SETD4: variants seen among roughly 807,000 people sequenced by gnomAD.
SETD4 encodes SET domain containing 4.
A neutral mutation model predicts 58.3 loss-of-function variants in SETD4; 46 were observed. The observed-to-expected ratio is 0.79, with a 90% CI of 0.62 to 1.01. The LOEUF is 1.01. SETD4 is among the 50% of genes least tolerant of loss of function. SETD4 has a pLI of 0.00. For missense variants in SETD4, 490 were observed against 523.3 expected (o/e 0.94, Z 0.62); for synonymous variants, 190 against 202.6 (o/e 0.94, Z 0.53).
At chr21:36,050,492 G>A in intron 4 of SETD4, 2 of 1,613,698 alleles carry the variant, frequency 1.2e-6, no homozygotes, top group Non-Finnish European at 1.7e-6. Flanking sequence ...TCACTGTTTT[G>A]CGCCATCTAG....
chr21:36,038,427 G>A (rs549429016), intron 9 of SETD4, among the ~76,000 whole-genome samples, 154 bp from the exon 10 acceptor site: 1 of 152,288 alleles, frequency 6.6e-6, no homozygotes, highest in African/African-American at 2.4e-5. Flanking sequence ...CATGCCACTT[G>A]CAGCTCCCAT....
rs923250622 is a variant in SETD4 at position 36,056,970 on chromosome 21, C to G, written c.169+139G>C. On this transcript the variant is annotated intron_variant, in intron 3 of 11. Coordinates refer to ENST00000332131, the MANE Select transcript of SETD4 (RefSeq NM_017438.5). ...CAATTAACTGGCCATACACAGGGGA[C>G]TCCTCCTCCAACCCAAGGGGAACAC... The G allele has an allele frequency of 2.7e-5, 19 of 692,268 alleles. No individual in the cohort carries two copies. In the African/African-American group the frequency reaches 3.0e-4, roughly 11 times the overall value. 42.9% of individuals were successfully genotyped at this position (692,268 alleles called of 1,614,324 possible). A position where few individuals can be genotyped will look rare whatever the true frequency, so the allele number is the denominator to read the frequency against.
chr21:36,058,642 G>A (rs988130146), intron 2 of SETD4, among the ~76,000 whole-genome samples, 174 bp downstream of exon 2: 11 of 151,874 alleles, frequency 7.2e-5, no homozygotes, highest in Non-Finnish European at 1.2e-4. Flanking sequence ...CGCTTGAACC[G>A]GGGAAGCAGA....
chr21:36,048,247 G>A (rs778699315), intron 5 of SETD4, 61 bp downstream of exon 5: 4 of 1,281,768 alleles, frequency 3.1e-6, no homozygotes, highest in Non-Finnish European at 4.6e-6. Flanking sequence ...TGACATATTT[G>A]CCATTGACAG....
rs765854296 is a variant in SETD4, at chr21:36,058,866, G to A, written c.23C>T (p.Thr8Ile). ...GAGTTTTCGTCTTCTGATCCGGCTT[G>A]TTCTCCCTTTTCCTTTCTGCATGCT... Reference protein sequence around the residue: MQKGKGRTSRIRRRKLCG... With the variant: MQKGKGRISRIRRRKLCG... Residue 8 changes from threonine (T) to isoleucine (I), a missense_variant, in exon 2 of 12, where the codon ACA (threonine) becomes ATA (isoleucine). Coordinates refer to ENST00000332131, the MANE Select transcript of SETD4 (RefSeq NM_017438.5). 7 of 1,600,970 alleles carry A rather than the reference G, an allele frequency of 4.4e-6. No homozygotes were observed. In the African/African-American group the frequency reaches 9.4e-5, roughly 22 times the overall value.
At position 36,038,154 on chromosome 21, in the gene SETD4, TGAAGCACA is replaced by T. The variant is rs763057611; in HGVS notation, c.1176_1183del (p.Val393LysfsTer8). Reference sequence around the variant, plus strand: ...TGTCATATTCTAGAAACATACCTTTTGAAGCACAGCATTAGTCTCTTCTATGAAATAAT... The same window carrying T: ...TGTCATATTCTAGAAACATACCTTTTGCATTAGTCTCTTCTATGAAATAAT... On this transcript the variant is annotated frameshift_variant, in exon 10 of 12. Coordinates refer to ENST00000332131, the MANE Select transcript of SETD4 (RefSeq NM_017438.5). LOFTEE classifies it high-confidence loss of function. 6.2e-7 allele frequency: 1 copy of T among 1,610,056 alleles called. No individual in the cohort carries two copies.
At chr21:36,044,029 A>G (rs1052659078) in intron 6 of SETD4, 73 bp from the exon 7 acceptor site, 4 of 1,506,940 alleles carry the variant, frequency 2.7e-6, no homozygotes, top group Admixed American at 2.0e-5. Context: ...GTTATTACAT[A>G]ATATTAATGT....
Position 36,035,756 on chromosome 21 carries a change from T to C in SETD4, c.*237A>G, listed in dbSNP as rs2063756991. 1 of 276,022 alleles carries C rather than the reference T, an allele frequency of 3.6e-6. No homozygotes were observed. The highest frequency in any genetic ancestry group is 7.0e-6 in the Non-Finnish European group (1 of 143,698). The allele number at this position is 276,022 out of a possible 1,614,324, so 17.1% of individuals were successfully genotyped here. A position where few individuals can be genotyped will look rare whatever the true frequency, so the allele number is the denominator to read the frequency against. ...ACCACACACGGACGCAGCTGGCTCC[T>C]GGCTGCCTCACAGTCCGCCTCTCTC... On this transcript the variant is annotated 3_prime_UTR_variant, in exon 12 of 12. Coordinates refer to ENST00000332131, the MANE Select transcript of SETD4 (RefSeq NM_017438.5).
chr21:36,053,737 G>GTC, intron 3 of SETD4, 117 bp from the exon 4 acceptor site: 1 of 1,004,558 alleles, frequency 1.0e-6, no homozygotes, highest in South Asian at 1.4e-5. Flanking sequence ...GAAGCTGGAT[G>GTC]TCTCTCAGCC....
chr21:36,046,648 A>G lies in SETD4; in HGVS notation c.297-637T>C, dbSNP rs117728413. On this transcript the variant is annotated intron_variant, in intron 5 of 11. Transcript: ENST00000332131. ...CTAAACCAAAACTGAATATGCTCAT[A>G]TACAGTTGTTGCAGTTCTAAAGCTT... 8.2e-4 allele frequency among the ~76,000 whole-genome samples: 125 copies of G among 152,376 alleles called. 1 individual carries two copies. Among genetic ancestry groups the G allele is most frequent in the Admixed American group, 3.0e-3 (46 of 15,308 alleles).
intron 10 of SETD4, 65 bp downstream of exon 10, chr21:36,038,083 CAT>C: frequency 6.5e-7 from 1 of 1,535,212 alleles, no homozygotes; most frequent in Non-Finnish European, 8.8e-7. Flanking sequence ...TCCCTAATAA[CAT>C]GTACAAAACA....
In SETD4 at chr21:36,045,982, G is replaced by C. The variant is rs749362489; in HGVS notation, c.326C>G (p.Ala109Gly). The part of the protein sequence containing the change: ...KWKPPPSPLL[A>G]LCTFLVSEKH... ...TTCTGAAACTAAAAAGGTGCACAGC[G>C]CCAGCAGAGGAGATGGAGGAGGCTT... The change falls in exon 6 of 12, where the codon GCG (alanine) becomes GGG (glycine). Residue 109 changes from alanine to glycine, a missense_variant. Ala to Gly is a moderately conservative substitution (Grantham distance 60, BLOSUM62 0). Transcript: ENST00000332131. The C allele has an allele frequency of 6.2e-6, 10 of 1,613,784 alleles. No individual in the cohort carries two copies. In the Admixed American group the frequency reaches 1.5e-4, roughly 24 times the overall value.
At chr21:36,055,125 A>C (rs910233225) in intron 3 of SETD4, among the ~76,000 whole-genome samples, 1 of 152,214 alleles carries the variant, frequency 6.6e-6, no homozygotes, top group East Asian at 1.9e-4. Context: ...TCCTAGAATC[A>C]ATGACTAATG....
At chr21:36,037,227 G>A (rs1478931921) in intron 10 of SETD4, among the ~76,000 whole-genome samples, 2 of 152,188 alleles carry the variant, frequency 1.3e-5, no homozygotes, top group Non-Finnish European at 2.9e-5. Flanking sequence ...ATGTTAAATA[G>A]CTTGATTTAG....
chr21:36,056,805 G>A (rs1003518629), intron 3 of SETD4, among the ~76,000 whole-genome samples: 2 of 152,248 alleles, frequency 1.3e-5, no homozygotes, highest in Middle Eastern at 3.4e-3. Context: ...TGATCTGCCT[G>A]CCTCAGCCTC....
At chr21:36,036,481 G>A (rs902529723) in intron 10 of SETD4, 17 of 322,310 alleles carry the variant, frequency 5.3e-5, no homozygotes, top group East Asian at 1.7e-4. Flanking sequence ...CAAACCCCCC[G>A]TCACCTCTAC....
intron 2 of SETD4, among the ~76,000 whole-genome samples, chr21:36,058,274 G>A (rs2065086255): frequency 6.6e-6 from 1 of 152,146 alleles, no homozygotes; most frequent in Non-Finnish European, 1.5e-5. Flanking sequence ...GCCAAGGCAG[G>A]AGGACCACTC....
At chr21:36,053,249 G>A in intron 4 of SETD4, 1 of 336,378 alleles carries the variant, frequency 3.0e-6, no homozygotes, top group Non-Finnish European at 5.5e-6. Context: ...CTGACCTGAG[G>A]GTGCAGTTCC....
chr21:36,048,910 G>A (rs1191847595), intron 4 of SETD4, among the ~76,000 whole-genome samples: 1 of 151,980 alleles, frequency 6.6e-6, no homozygotes, highest in African/African-American at 2.4e-5. Context: ...AGTAGAGACA[G>A]GGTTTCACCT....
Sources: gnomAD v4.1 joint callset for allele counts (sites outside exome capture counted in the v4.1 genomes callset) on GRCh38, gnomAD v4.1.1 for gene constraint, MANE v1.5 for transcripts, NCBI Gene and HGNC (gene_info 2026-07-23, HGNC 2026-07-21) for gene names.